The following PCNX2 variants were observed in gnomAD, a reference collection of about 807,000 sequenced individuals.
The protein encoded by PCNX2 is pecanex 2.
PCNX2 carries 168 observed loss-of-function variants against 223.8 expected under a neutral mutation model. The observed-to-expected ratio is 0.75, with a 90% CI of 0.66 to 0.85. The LOEUF (loss-of-function observed/expected upper bound fraction) is 0.85, where lower values mean the gene tolerates loss of function less well. Among genes scored for constraint, PCNX2 ranks in the 40% least tolerant of loss-of-function variants. PCNX2 has a pLI of 0.00. For missense variants in PCNX2, 2,507 were observed against 2,675.5 expected (o/e 0.94, Z 1.39); for synonymous variants, 1,006 against 1,052.6 (o/e 0.96, Z 0.86).
intron 9 of PCNX2, among the ~76,000 whole-genome samples, chr1:233,236,639 A>T (rs753261490): frequency 1.3e-5 from 2 of 152,228 alleles, no homozygotes; most frequent in Non-Finnish European, 2.9e-5. Context: ...CAATCCTGTT[A>T]ATATCAACCC....
At chr1:232,985,689 G>A (rs966572821) in intron 33 of PCNX2, 1 of 461,006 alleles carries the variant, frequency 2.2e-6, no homozygotes. Flanking sequence ...GAGAAGCAGT[G>A]AAGCTCTAAC....
rs1572025559 is a variant in PCNX2, at chr1:233,177,690, CTT to C, written c.3273+110_3273+111del. 31 of 875,234 alleles carry C rather than the reference CTT, an allele frequency of 3.5e-5. No homozygotes were observed. The East Asian group carries it at 7.7e-4, about 22-fold the overall frequency. 54.2% of individuals were successfully genotyped at this position (875,234 alleles called of 1,614,324 possible). A position where few individuals can be genotyped will look rare whatever the true frequency, so the allele number is the denominator to read the frequency against. On this transcript the variant is annotated intron_variant, in intron 17 of 33. Transcript: ENST00000258229. Reference sequence around the variant, plus strand: ...GTGCCAGGTACCAAGCGAGGTGTATCTTTCTGTCCTAGTCCTTCTCATGTCCA... The same window carrying C: ...GTGCCAGGTACCAAGCGAGGTGTATCTCTGTCCTAGTCCTTCTCATGTCCA...
chr1:233,185,745 A>C (rs1345835388), intron 15 of PCNX2, among the ~76,000 whole-genome samples: 1 of 152,244 alleles, frequency 6.6e-6, no homozygotes, highest in Admixed American at 6.5e-5. Flanking sequence ...ATAAAGTTTT[A>C]AATGGTCTGT....
chr1:233,174,393 A>C (rs1363320281), intron 17 of PCNX2, among the ~76,000 whole-genome samples: 1 of 149,338 alleles, frequency 6.7e-6, no homozygotes, highest in Non-Finnish European at 1.5e-5. Flanking sequence ...ATATAAATTT[A>C]TATATAAATT....
intron 8 of PCNX2, among the ~76,000 whole-genome samples, chr1:233,237,462 CTTGGGTAATT>C (rs1395355897): frequency 1.3e-5 from 2 of 152,158 alleles, no homozygotes; most frequent in African/African-American, 4.8e-5. Context: ...AAAGAAATGT[CTTGGGTAATT>C]GATCAAGAGG....
intron 25 of PCNX2, among the ~76,000 whole-genome samples, chr1:233,043,515 C>T (rs1671716885): frequency 6.6e-6 from 1 of 151,482 alleles, no homozygotes; most frequent in Non-Finnish European, 1.5e-5. Flanking sequence ...ATTAACTCGT[C>T]ATTTAGCATT....
intron 19 of PCNX2, among the ~76,000 whole-genome samples, chr1:233,152,984 C>G (rs958082234): frequency 1.3e-5 from 2 of 152,232 alleles, no homozygotes; most frequent in Non-Finnish European, 2.9e-5. Context: ...TTTGAGCCCA[C>G]CCAGTCTTGT....
At chr1:233,263,817 T>A (rs1210790253) in intron 1 of PCNX2, among the ~76,000 whole-genome samples, 1 of 152,202 alleles carries the variant, frequency 6.6e-6, no homozygotes, top group African/African-American at 2.4e-5. Context: ...GCAGCTCATC[T>A]TAAAGGCCAG....
chr1:233,202,519 C>T (rs979532057), intron 13 of PCNX2, among the ~76,000 whole-genome samples: 5 of 152,170 alleles, frequency 3.3e-5, no homozygotes, highest in African/African-American at 4.8e-5. Context: ...AAACTAAAGC[C>T]TATGAAGTCA....
chr1:233,290,448 T>G (rs1236319699), intron 1 of PCNX2, among the ~76,000 whole-genome samples: 1 of 152,196 alleles, frequency 6.6e-6, no homozygotes, highest in Non-Finnish European at 1.5e-5. Flanking sequence ...CAAAGTGCTA[T>G]GTATATAGCT....
intron 1 of PCNX2, chr1:233,291,988 T>C: frequency 2.0e-6 from 2 of 985,236 alleles, no homozygotes; most frequent in South Asian, 4.7e-5. Flanking sequence ...CTGTTTTCAG[T>C]TGTACATTTC....
In PCNX2 at chr1:232,986,361, C is replaced by A; in HGVS notation, c.5971G>T (p.Ala1991Ser). The A allele has an allele frequency of 6.2e-7, 1 of 1,601,138 alleles. No homozygotes were observed. The highest frequency in any genetic ancestry group is 1.7e-5 in the Admixed American group (1 of 58,432). Reference protein sequence around the residue: ...SGSRLSLHASATSLHSQPPPV... With the variant: ...SGSRLSLHASSTSLHSQPPPV... ...GGGGGCTGAGAGTGCAGGGACGTGG[C>A]CGAGGCGTGCAAGGAGAGCCGGCTG... Residue 1991 changes from alanine (A) to serine (S), a missense_variant, in exon 33 of 34, where the codon GCC becomes TCC. By Grantham distance (99) the Ala-to-Ser change is moderately conservative. Transcript: ENST00000258229.
At chr1:233,056,202 A>G (rs991756385) in intron 24 of PCNX2, among the ~76,000 whole-genome samples, 9 of 152,206 alleles carry the variant, frequency 5.9e-5, no homozygotes, top group Non-Finnish European at 1.0e-4. Context: ...CACTAATTAA[A>G]GACACCTTTC....
chr1:233,157,860 C>G (rs1490795162), intron 19 of PCNX2, among the ~76,000 whole-genome samples: 1 of 152,024 alleles, frequency 6.6e-6, no homozygotes, highest in African/African-American at 2.4e-5. Flanking sequence ...TTTGTCTAAC[C>G]TGTGACTCCC....
rs561762805 is a variant in PCNX2 at position 233,280,871 on chromosome 1, T to C, written c.153+14455A>G. 2.0e-5 allele frequency among the ~76,000 whole-genome samples: 3 copies of C among 152,338 alleles called. No individual in the cohort carries two copies. The East Asian group carries it at 5.8e-4, about 29-fold the overall frequency. On this transcript the variant is annotated intron_variant, in intron 1 of 33. Coordinates refer to ENST00000258229, the MANE Select transcript of PCNX2 (RefSeq NM_014801.4). ...TCTGTGAAATGAGAAAAATAATTCT[T>C]AATAATATTTTTACAAAGATTAAGG...
rs1471593861 is a variant in PCNX2 at position 232,986,238 on chromosome 1, GGAAGCT to G, written c.6088_6093del (p.Ser2030_Phe2031del). The G allele has an allele frequency of 1.9e-6, 3 of 1,559,956 alleles. No individual in the cohort carries two copies. In the Admixed American group the frequency reaches 5.8e-5, roughly 30 times the overall value. ...CTGGAAAAGCTCCTCTTGCCGAAGA[GGAAGCT>G]CAGGGTGGAGCTGGTGGAGGAGCCC... On this transcript the variant is annotated inframe_deletion, in exon 33 of 34. Coordinates refer to ENST00000258229, the MANE Select transcript of PCNX2 (RefSeq NM_014801.4).
At chr1:233,024,538 C>T (rs1212135260) in intron 26 of PCNX2, among the ~76,000 whole-genome samples, 1 of 152,226 alleles carries the variant, frequency 6.6e-6, no homozygotes, top group African/African-American at 2.4e-5. Context: ...GAACACTACA[C>T]ATCCTCAGTC....
intron 19 of PCNX2, among the ~76,000 whole-genome samples, chr1:233,143,384 T>C (rs1325504133): frequency 1.3e-5 from 2 of 152,248 alleles, no homozygotes; most frequent in Non-Finnish European, 2.9e-5. Flanking sequence ...AGGTCTGGAA[T>C]GGAGCCAGAC....
chr1:232,984,800 CTT>C (rs1669408834), intron 33 of PCNX2: 1 of 235,780 alleles, frequency 4.2e-6, no homozygotes, highest in South Asian at 8.7e-5. Context: ...TTCATGCACA[CTT>C]AGCCCCTGTC....
Sources: gnomAD v4.1 joint callset for allele counts (sites outside exome capture counted in the v4.1 genomes callset) on GRCh38, gnomAD v4.1.1 for gene constraint, MANE v1.5 for transcripts, NCBI Gene and HGNC (gene_info 2026-07-23, HGNC 2026-07-21) for gene names.